RASSF5: variants seen among roughly 807,000 people sequenced by gnomAD.
RASSF5 encodes the protein Ras association domain family member 5.
In RASSF5, 25 loss-of-function variants were observed where a neutral mutation model predicts 40.5. The ratio of observed to expected loss-of-function variants is 0.62; its 90% CI spans 0.45 to 0.86. RASSF5 has a LOEUF of 0.86. RASSF5 is among the 40% of genes least tolerant of loss of function. The probability of loss-of-function intolerance (pLI) is 0.00; values close to 1 mark genes in which losing one functional copy is unlikely to be tolerated. For synonymous variants in RASSF5, 246 were observed against 252.4 expected (o/e 0.97, Z 0.24); for missense variants, 521 against 572.8 (o/e 0.91, Z 0.92).
intron 1 of RASSF5, among the ~76,000 whole-genome samples, chr1:206,516,208 G>A (rs1002042902): frequency 6.6e-6 from 1 of 152,172 alleles, no homozygotes; most frequent in African/African-American, 2.4e-5. Context: ...GCATTTCCCT[G>A]TCTCTAGGTA....
intron 2 of RASSF5, among the ~76,000 whole-genome samples, chr1:206,571,889 T>G (rs1668463644): frequency 6.6e-6 from 1 of 152,118 alleles, no homozygotes; most frequent in South Asian, 2.1e-4. Flanking sequence ...GCATAAGATG[T>G]CCCAAGGGAA....
intron 1 of RASSF5, among the ~76,000 whole-genome samples, chr1:206,532,253 G>A (rs1159869184): frequency 6.6e-6 from 1 of 152,138 alleles, no homozygotes; most frequent in Non-Finnish European, 1.5e-5. Context: ...GGTAGGGGAT[G>A]GATCATTAAC....
chr1:206,511,084 G>A (rs1482298866), intron 1 of RASSF5, among the ~76,000 whole-genome samples: 1 of 152,202 alleles, frequency 6.6e-6, no homozygotes, highest in African/African-American at 2.4e-5. Flanking sequence ...TCTGGTTAAT[G>A]CTGGATTTGT....
At chr1:206,577,856 A>C (rs1668712401) in intron 2 of RASSF5, among the ~76,000 whole-genome samples, 1 of 152,224 alleles carries the variant, frequency 6.6e-6, no homozygotes, top group Admixed American at 6.5e-5. Context: ...AACAAATTGA[A>C]GTATGATGTA....
chr1:206,528,876 A>C, intron 1 of RASSF5: 2 of 495,040 alleles, frequency 4.0e-6, no homozygotes, highest in South Asian at 6.8e-5. Flanking sequence ...CGTCTCTACA[A>C]AAAATTAAAA....
intron 2 of RASSF5, among the ~76,000 whole-genome samples, chr1:206,568,841 A>G (rs1259908610): frequency 2.0e-5 from 3 of 152,212 alleles, no homozygotes; most frequent in African/African-American, 7.2e-5. Flanking sequence ...GAAGTTCACT[A>G]TGTGAGGGCA....
chr1:206,557,278 G>T lies in RASSF5; in HGVS notation c.579+18985G>T, dbSNP rs191830557. The T allele has an allele frequency of 1.2e-3, 1,399 of 1,188,136 alleles. 12 individuals carry two copies. The African/African-American group carries it at 0.016, about 14-fold the overall frequency. 73.6% of individuals were successfully genotyped at this position (1,188,136 alleles called of 1,614,324 possible). ...GGCGCCGGGGACACGAAACCGCAGA[G>T]CCCGGACGAGTCAGGGAGTGAGGCG... On this transcript the variant is annotated intron_variant, in intron 2 of 5. Transcript: ENST00000579436.
Position 206,579,654 on chromosome 1 carries a change from C to A in RASSF5, c.580-3615C>A, listed in dbSNP as rs1274724666. On this transcript the variant is annotated intron_variant, in intron 2 of 5. Coordinates refer to ENST00000579436, the MANE Select transcript of RASSF5 (RefSeq NM_182663.4). This position sits in a 1 kb window ranked among gnomAD's most constrained non-coding sequence, Gnocchi z 4.2. ...GAATGTTGCTGCGAATTAAAATCAACTAGGAGATTTTTAAAATTCCCATGC... is the reference window on the plus strand; with the variant it reads ...GAATGTTGCTGCGAATTAAAATCAAATAGGAGATTTTTAAAATTCCCATGC... Among the ~76,000 whole-genome samples, 1 of 151,382 alleles carries A rather than the reference C, an allele frequency of 6.6e-6. No individual in the cohort carries two copies. Among genetic ancestry groups the A allele is most frequent in the Non-Finnish European group, 1.5e-5 (1 of 68,034 alleles).
chr1:206,583,123 C>T (rs1302834402), intron 2 of RASSF5, 146 bp from the exon 3 acceptor site: 2 of 598,884 alleles, frequency 3.3e-6, no homozygotes, highest in Non-Finnish European at 6.1e-6. Flanking sequence ...CTCTCATTGT[C>T]TCACTCCGAG....
chr1:206,532,378 T>C (rs1036213057), intron 1 of RASSF5, among the ~76,000 whole-genome samples: 2 of 152,036 alleles, frequency 1.3e-5, no homozygotes, highest in African/African-American at 2.4e-5. Context: ...TGTTTTAGGG[T>C]AGAGAAAATT....
chr1:206,524,646 TTATATATTATGTATAA>T (rs1440684436), intron 1 of RASSF5, among the ~76,000 whole-genome samples: 39 of 128,362 alleles, frequency 3.0e-4, no homozygotes, highest in Middle Eastern at 3.7e-3. Flanking sequence ...AAAATATATA[TTATATATTATGTATAA>T]TATATATTAT....
At position 206,552,948 on chromosome 1, in the gene RASSF5, A is replaced by G. The variant is rs1667882527; in HGVS notation, c.579+14655A>G. Among the ~76,000 whole-genome samples, 1 of 152,184 alleles carries G rather than the reference A, an allele frequency of 6.6e-6. No individual in the cohort carries two copies. The highest frequency in any genetic ancestry group is 1.5e-5 in the Non-Finnish European group (1 of 68,032). ...GCTGGGCGCGGTGGCTCACACCTGTAATCCCAGCACTTTGGGAGGCCGAGG... is the reference window on the plus strand; with the variant it reads ...GCTGGGCGCGGTGGCTCACACCTGTGATCCCAGCACTTTGGGAGGCCGAGG... On this transcript the variant is annotated intron_variant, in intron 2 of 5. Transcript: ENST00000579436. The surrounding 1 kb of genome is among the most constrained non-coding windows in gnomAD (Gnocchi z 4.1).
intron 1 of RASSF5, among the ~76,000 whole-genome samples, chr1:206,530,344 C>T (rs544316498): frequency 6.6e-6 from 1 of 152,250 alleles, no homozygotes; most frequent in East Asian, 1.9e-4. Flanking sequence ...TATCAATATG[C>T]ATCATCTTAT....
chr1:206,537,446 C>CT (rs1379582895), intron 1 of RASSF5, among the ~76,000 whole-genome samples: 9 of 152,308 alleles, frequency 5.9e-5, no homozygotes, highest in Middle Eastern at 3.4e-3. Context: ...TCTGGAAGCA[C>CT]TTTTAATTCT....
intron 2 of RASSF5, among the ~76,000 whole-genome samples, chr1:206,557,943 T>C (rs941314791): frequency 3.9e-5 from 6 of 152,212 alleles, no homozygotes; most frequent in African/African-American, 1.4e-4. Context: ...ATGTGGGGGC[T>C]GCCCCTGGCT....
intron 2 of RASSF5, among the ~76,000 whole-genome samples, chr1:206,567,619 G>A (rs1275955674): frequency 2.6e-5 from 4 of 152,084 alleles, no homozygotes; most frequent in African/African-American, 4.8e-5. Context: ...TCTGTAAGAC[G>A]GGAAGACTTG....
chr1:206,509,862 C>T (rs936957323), intron 1 of RASSF5, among the ~76,000 whole-genome samples: 1 of 152,048 alleles, frequency 6.6e-6, no homozygotes, highest in African/African-American at 2.4e-5. Flanking sequence ...AGTCATACGT[C>T]GTTTCTAGTG....
In RASSF5 at chr1:206,585,268, A is replaced by G; in HGVS notation, c.1077A>G (p.Leu359=). The G allele has an allele frequency of 1.9e-6, 3 of 1,614,048 alleles. No individual in the cohort carries two copies. The South Asian group carries it at 3.3e-5, about 18-fold the overall frequency. ...GPDTEVLSFV[L]KENETGEVEW... is the part of the protein sequence containing the mutation. ...ACACGGAGGTCCTCAGCTTTGTGCT[A>G]AAGGAGAATGAAACTGGAGAGGTAG... The change falls in exon 5 of 6, where the codon CTA becomes CTG. Residue 359 remains leucine, a synonymous_variant. Coordinates refer to ENST00000579436, the MANE Select transcript of RASSF5 (RefSeq NM_182663.4).
intron 2 of RASSF5, chr1:206,557,126 G>A (rs1455002946): frequency 2.0e-6 from 2 of 989,758 alleles, no homozygotes; most frequent in East Asian, 1.1e-4. Flanking sequence ...AGTGACAGCC[G>A]AGCCGGCTTT....
Sources: allele counts gnomAD v4.1 joint callset (sites outside exome capture counted in the v4.1 genomes callset), GRCh38; gene constraint gnomAD v4.1.1; non-coding constraint Gnocchi (gnomAD v3.1); transcripts MANE v1.5; gene names NCBI Gene and HGNC (gene_info 2026-07-23, HGNC 2026-07-21).